The following PABPC4L variants were observed in gnomAD, a reference collection of about 807,000 sequenced individuals.
The protein encoded by PABPC4L is polyadenylate-binding protein 4-like.
For missense variants in PABPC4L, 452 were observed against 451.4 expected, an observed-to-expected ratio of 1.00 and a Z score of -0.01; for synonymous variants, 169 against 164.1, an observed-to-expected ratio of 1.03 and a Z score of -0.23.
At chr4:134,187,789 A>G in the PABPC4L span, among the ~76,000 whole-genome samples, 1 of 151,536 alleles carries the variant, frequency 6.6e-6, no homozygotes, top group Non-Finnish European at 1.5e-5. Flanking sequence ...TACTTGCTTC[A>G]TTCCTTTACT....
At chr4:134,110,649 G>T in the PABPC4L span, among the ~76,000 whole-genome samples, 1 of 150,110 alleles carries the variant, frequency 6.7e-6, no homozygotes, top group Middle Eastern at 3.5e-3. Context: ...ACCTTCTGTG[G>T]ATACCAAAAT....
the PABPC4L span, among the ~76,000 whole-genome samples, chr4:134,165,811 T>C: frequency 1.3e-5 from 2 of 152,166 alleles, no homozygotes; most frequent in Admixed American, 6.6e-5. Flanking sequence ...AAAGAAGTCA[T>C]TGTATCAAAA....
chr4:134,198,779 G>C lies in PABPC4L; in HGVS notation c.*1128C>G, dbSNP rs985727797. Reference sequence around the variant, plus strand: ...AAAGGCAGGAGAGCAAGGAAAATAGGGGAATGGTTCTAAACTAAAAATTAT... The same window carrying C: ...AAAGGCAGGAGAGCAAGGAAAATAGCGGAATGGTTCTAAACTAAAAATTAT... On this transcript the variant is annotated 3_prime_UTR_variant, in exon 2 of 2. Coordinates refer to ENST00000421491, the MANE Select transcript of PABPC4L (RefSeq NM_001114734.2). 2.0e-5 allele frequency: 3 copies of C among 151,864 alleles called. No individual in the cohort carries two copies. The highest frequency in any genetic ancestry group is 1.9e-4 in the East Asian group (1 of 5,194). 9.4% of individuals were successfully genotyped at this position (151,864 alleles called of 1,614,324 possible).
chr4:133,960,609 C>T, the PABPC4L span, among the ~76,000 whole-genome samples: 4 of 152,154 alleles, frequency 2.6e-5, no homozygotes, highest in African/African-American at 7.2e-5. Flanking sequence ...GTGCAGACTC[C>T]GCAGGCAGGG....
the PABPC4L span, among the ~76,000 whole-genome samples, chr4:134,128,007 C>A: frequency 3.1e-3 from 476 of 152,012 alleles, 2 homozygotes; most frequent in African/African-American, 0.011. Context: ...TAGAGAAATG[C>A]AAAATACACT....
the PABPC4L span, among the ~76,000 whole-genome samples, chr4:134,132,770 A>G: frequency 1.3e-5 from 2 of 151,256 alleles, no homozygotes; most frequent in Non-Finnish European, 2.9e-5. Context: ...ACATATTTAT[A>G]GCAGCACTAT....
At chr4:134,183,366 G>A in the PABPC4L span, among the ~76,000 whole-genome samples, 58 of 151,672 alleles carry the variant, frequency 3.8e-4, 1 homozygote, top group Admixed American at 7.2e-4. Context: ...ACAGAAAACC[G>A]GATATCGTAC....
At chr4:134,014,486 C>A in the PABPC4L span, among the ~76,000 whole-genome samples, 1 of 152,174 alleles carries the variant, frequency 6.6e-6, no homozygotes, top group Non-Finnish European at 1.5e-5. Context: ...GGAATGCCTG[C>A]AGCCCAGGAT....
the PABPC4L span, among the ~76,000 whole-genome samples, chr4:134,123,718 T>A: frequency 6.6e-6 from 1 of 152,010 alleles, no homozygotes; most frequent in Non-Finnish European, 1.5e-5. Context: ...CTGACCAACA[T>A]TTTAAATCAT....
chr4:134,135,294 T>C, the PABPC4L span, among the ~76,000 whole-genome samples: 3 of 152,120 alleles, frequency 2.0e-5, no homozygotes, highest in Non-Finnish European at 2.9e-5. Flanking sequence ...ATCTGCTTCT[T>C]AAATGCAGCA....
At chr4:134,088,970 G>A in the PABPC4L span, among the ~76,000 whole-genome samples, 1 of 152,090 alleles carries the variant, frequency 6.6e-6, no homozygotes, top group East Asian at 1.9e-4. Flanking sequence ...TCAGTTATTT[G>A]GAGAGAGGTG....
chr4:134,015,491 A>G, the PABPC4L span, among the ~76,000 whole-genome samples: 5 of 151,974 alleles, frequency 3.3e-5, no homozygotes, highest in Admixed American at 6.6e-5. Context: ...TGACCCTGAC[A>G]CTCATTAGGC....
At chr4:134,168,101 T>C in the PABPC4L span, among the ~76,000 whole-genome samples, 1 of 151,994 alleles carries the variant, frequency 6.6e-6, no homozygotes, top group African/African-American at 2.4e-5. Flanking sequence ...GGAATAAAAC[T>C]AGAAATCAAT....
chr4:133,992,046 G>A, the PABPC4L span, among the ~76,000 whole-genome samples: 1 of 152,172 alleles, frequency 6.6e-6, no homozygotes, highest in African/African-American at 2.4e-5. Context: ...GTGCTAAGAT[G>A]TCCCAGGTGC....
At chr4:133,998,122 A>C in the PABPC4L span, among the ~76,000 whole-genome samples, 4 of 151,672 alleles carry the variant, frequency 2.6e-5, no homozygotes, top group African/African-American at 9.7e-5. Flanking sequence ...TTAATCTATA[A>C]TTTTTATAAT....
the PABPC4L span, among the ~76,000 whole-genome samples, chr4:133,965,608 C>T: frequency 6.6e-6 from 1 of 152,068 alleles, no homozygotes; most frequent in Non-Finnish European, 1.5e-5. Flanking sequence ...GGCACTGATA[C>T]ACAAATATTC....
the PABPC4L span, among the ~76,000 whole-genome samples, chr4:133,950,753 C>T: frequency 6.6e-6 from 1 of 152,180 alleles, no homozygotes; most frequent in Non-Finnish European, 1.5e-5. Context: ...TTAGCAGCTA[C>T]ATCCATAAGC....
chr4:133,986,356 T>C, the PABPC4L span, among the ~76,000 whole-genome samples: 2 of 152,006 alleles, frequency 1.3e-5, no homozygotes, highest in African/African-American at 2.4e-5. Context: ...AAATACGAGA[T>C]ATATAAATTA....
chr4:133,962,421 G>C, the PABPC4L span, among the ~76,000 whole-genome samples: 1 of 152,302 alleles, frequency 6.6e-6, no homozygotes, highest in South Asian at 2.1e-4. Context: ...CAAGGGAATA[G>C]ATAGCATAAA....
Sources: gnomAD v4.1 joint callset for allele counts (sites outside exome capture counted in the v4.1 genomes callset) on GRCh38, gnomAD v4.1.1 for gene constraint, MANE v1.5 for transcripts, NCBI Gene and HGNC (gene_info 2026-07-23, HGNC 2026-07-21) for gene names.